Variants in POU2AF3 observed in about 807,000 individuals in gnomAD.
POU2AF3 encodes the protein cancer susceptibility candidate 13.
chr11:111,298,841 C>T, the POU2AF3 span: 2 of 1,180,006 alleles, frequency 1.7e-6, no homozygotes, highest in South Asian at 8.8e-5. Context: ...CGCCCGCCCT[C>T]CCACGTATCC....
chr11:111,306,730 A>G, the POU2AF3 span: 1 of 838,244 alleles, frequency 1.2e-6, no homozygotes, highest in Non-Finnish European at 1.9e-6. Flanking sequence ...ACTATCAGCA[A>G]GGAAATCATC....
chr11:111,303,279 G>A, the POU2AF3 span, among the ~76,000 whole-genome samples: 1 of 152,136 alleles, frequency 6.6e-6, no homozygotes, highest in African/African-American at 2.4e-5. Context: ...ACTTGCCTTT[G>A]GGGTAAAAGG....
chr11:111,306,597 A>G, the POU2AF3 span: 1 of 1,551,466 alleles, frequency 6.4e-7, no homozygotes, highest in Admixed American at 2.0e-5. Context: ...CTTCCAGGCC[A>G]CCCCTTTCTG....
the POU2AF3 span, chr11:111,298,826 G>GCGGGGC: frequency 1.4e-4 from 112 of 790,936 alleles, no homozygotes; most frequent in Non-Finnish European, 1.8e-4. Context: ...CGTACCCCAG[G>GCGGGGC]CCCCCGCCCG....
At chr11:111,298,826 G>GCGGGGCGC in the POU2AF3 span, 2 of 790,962 alleles carry the variant, frequency 2.5e-6, no homozygotes, top group Non-Finnish European at 3.4e-6. Flanking sequence ...CGTACCCCAG[G>GCGGGGCGC]CCCCCGCCCG....
chr11:111,305,386 A>C, the POU2AF3 span, among the ~76,000 whole-genome samples: 6 of 152,234 alleles, frequency 3.9e-5, no homozygotes, highest in Non-Finnish European at 8.8e-5. Flanking sequence ...TCCAGCCGAC[A>C]GGGGCTTCCC....
chr11:111,306,116 T>C, the POU2AF3 span, among the ~76,000 whole-genome samples: 12 of 152,332 alleles, frequency 7.9e-5, no homozygotes, highest in South Asian at 2.5e-3. Flanking sequence ...AGCCATTATT[T>C]GACTGTGACA....
chr11:111,299,745 G>A, the POU2AF3 span: 40 of 1,228,160 alleles, frequency 3.3e-5, no homozygotes, highest in South Asian at 8.3e-5. Context: ...AGGGGAAGAA[G>A]GGGAGAGTAG....
chr11:111,307,930 C>T, the POU2AF3 span: 9 of 686,596 alleles, frequency 1.3e-5, no homozygotes, highest in African/African-American at 3.7e-5. Context: ...CTTCTGCAGA[C>T]TTGGGTTGGG....
At chr11:111,308,344 C>T in the POU2AF3 span, 1 of 1,551,714 alleles carries the variant, frequency 6.4e-7, no homozygotes, top group Non-Finnish European at 8.7e-7. Context: ...AGTACTTCTA[C>T]CCGAGCACAG....
chr11:111,301,228 T>G, the POU2AF3 span, among the ~76,000 whole-genome samples: 5 of 152,240 alleles, frequency 3.3e-5, no homozygotes, highest in African/African-American at 1.2e-4. Context: ...AAAATTGAAC[T>G]GAGCAGTCAT....
the POU2AF3 span, among the ~76,000 whole-genome samples, chr11:111,301,291 G>T: frequency 6.6e-6 from 1 of 152,184 alleles, no homozygotes; most frequent in South Asian, 2.1e-4. Context: ...ACTGCCAAAG[G>T]CACTCAGGGC....
the POU2AF3 span, chr11:111,308,234 T>A: frequency 9.0e-6 from 14 of 1,551,796 alleles, no homozygotes; most frequent in Admixed American, 2.0e-5. Flanking sequence ...CCAACACTTG[T>A]CCTCACACGC....
chr11:111,299,865 T>G, the POU2AF3 span: 1 of 584,894 alleles, frequency 1.7e-6, no homozygotes, highest in Non-Finnish European at 2.5e-6. Context: ...AGGGAGGGAG[T>G]TCCTCGGGCC....
chr11:111,307,334 G>A, the POU2AF3 span, among the ~76,000 whole-genome samples: 6 of 152,046 alleles, frequency 3.9e-5, no homozygotes, highest in Non-Finnish European at 8.8e-5. Context: ...AAATTGTAAA[G>A]TTTTCTTTTT....
chr11:111,299,860 G>C, the POU2AF3 span: 1 of 620,672 alleles, frequency 1.6e-6, no homozygotes, highest in Admixed American at 4.4e-5. Flanking sequence ...GAGCGAGGGA[G>C]GGAGTTCCTC....
At chr11:111,306,499 A>T in the POU2AF3 span, 3 of 1,537,970 alleles carry the variant, frequency 2.0e-6, no homozygotes, top group Non-Finnish European at 2.6e-6. Context: ...TGCCTCGACC[A>T]GATCTTTGAT....
the POU2AF3 span, chr11:111,299,455 T>C: frequency 9.4e-7 from 1 of 1,063,134 alleles, no homozygotes; most frequent in African/African-American, 1.7e-5. Context: ...ACTGCGGCTT[T>C]TCGGGGCCCG....
chr11:111,308,073 C>T, the POU2AF3 span: 14 of 1,494,730 alleles, frequency 9.4e-6, no homozygotes, highest in African/African-American at 1.4e-5. Flanking sequence ...CTCTAGATCC[C>T]AGGATCACCT....
Sources: gnomAD v4.1 joint callset for allele counts (sites outside exome capture counted in the v4.1 genomes callset) on GRCh38, gnomAD v4.1.1 for gene constraint, MANE v1.5 for transcripts, NCBI Gene and HGNC (gene_info 2026-07-23, HGNC 2026-07-21) for gene names.